Variants in WSCD1 observed in about 807,000 individuals in gnomAD.
The protein encoded by WSCD1 is sialate:O-sulfotransferase 1.
A neutral mutation model predicts 60.4 loss-of-function variants in WSCD1; 41 were observed. The observed-to-expected ratio is 0.68, with a 90% CI of 0.53 to 0.88. WSCD1 has a LOEUF of 0.88. Ranked by LOEUF, WSCD1 falls within the 40% of genes least tolerant of loss-of-function variation. The pLI is 0.00. For missense variants in WSCD1, 784 were observed against 796.2 expected (o/e 0.98, Z 0.18); for synonymous variants, 361 against 332.5 (o/e 1.09, Z -0.93).
intron 1 of WSCD1, among the ~76,000 whole-genome samples, chr17:6,077,035 A>G (rs556007268): frequency 6.6e-6 from 1 of 151,512 alleles, no homozygotes; most frequent in African/African-American, 2.4e-5. Flanking sequence ...TGTTGGCTAT[A>G]AAGTGTGGTG....
intron 4 of WSCD1, among the ~76,000 whole-genome samples, chr17:6,091,099 G>C (rs184169995): frequency 2.0e-4 from 30 of 152,220 alleles, no homozygotes; most frequent in African/African-American, 7.2e-4. Context: ...TCACCACATT[G>C]GCCAGGCTGG....
At chr17:6,115,332 T>C (rs1748625898) in intron 7 of WSCD1, among the ~76,000 whole-genome samples, 1 of 152,256 alleles carries the variant, frequency 6.6e-6, no homozygotes, top group African/African-American at 2.4e-5. Context: ...AATCTGCTCA[T>C]TCCTTTTTTG....
Position 6,087,914 on chromosome 17 carries a change from G to A in WSCD1, c.428-76G>A, listed in dbSNP as rs73974663. 7.7e-4 allele frequency: 961 copies of A among 1,245,148 alleles called. 6 individuals are homozygous for A. The African/African-American group carries it at 0.012, about 16-fold the overall frequency. The allele number at this position is 1,245,148 out of a possible 1,614,324, so 77.1% of individuals were successfully genotyped here. A position where few individuals can be genotyped will look rare whatever the true frequency, so the allele number is the denominator to read the frequency against. Reference sequence around the variant, plus strand: ...GAGTGGCCTTGGCCAGGAAGGCAGAGGTTCCCCTGGCTTTTCCTAAGGGTG... The same window carrying A: ...GAGTGGCCTTGGCCAGGAAGGCAGAAGTTCCCCTGGCTTTTCCTAAGGGTG... On this transcript the variant is annotated intron_variant, in intron 2 of 8. Transcript: ENST00000317744.
In WSCD1 at chr17:6,109,580, G is replaced by A. The variant is rs186050962; in HGVS notation, c.850-27G>A. The A allele has an allele frequency of 4.3e-3, 6,946 of 1,609,466 alleles. 46 individuals carry two copies. Among genetic ancestry groups the A allele is most frequent in the Middle Eastern group, 0.031 (186 of 6,048 alleles). On this transcript the variant is annotated intron_variant, in intron 5 of 8. Coordinates refer to ENST00000317744, the MANE Select transcript of WSCD1 (RefSeq NM_015253.2). ...CATGACCCTCAAATTCACTCAGTGT[G>A]CTTCTCTTCTTATCGTTCCCTGGCA...
At chr17:6,078,331 CCCGGGATGGTGAGTG>C (rs1755222107) in intron 1 of WSCD1, among the ~76,000 whole-genome samples, 1 of 152,116 alleles carries the variant, frequency 6.6e-6, no homozygotes, top group African/African-American at 2.4e-5. Flanking sequence ...TCTGATCAAC[CCCGGGATGGTGAGTG>C]CTGGGCTGAG....
At chr17:6,089,788 G>A (rs73974664) in intron 3 of WSCD1, among the ~76,000 whole-genome samples, 6,420 of 152,170 alleles carry the variant, frequency 0.042, 416 homozygotes, top group African/African-American at 0.14. Flanking sequence ...CTGTAACCAC[G>A]GCACTCTGCA....
intron 5 of WSCD1, among the ~76,000 whole-genome samples, chr17:6,098,862 A>G (rs1455684546): frequency 6.6e-6 from 1 of 152,218 alleles, no homozygotes; most frequent in Admixed American, 6.5e-5. Context: ...GAGTAAGGGC[A>G]GTGCCTGAAG....
At position 6,095,228 on chromosome 17, in the gene WSCD1, G is replaced by A; in HGVS notation, c.849+5G>A. ...TCGGGCTTTTGTTCCCAGAAAGTAAGACCAAGTGATCATTTCACAACCCTT... is the reference window on the plus strand; with the variant it reads ...TCGGGCTTTTGTTCCCAGAAAGTAAAACCAAGTGATCATTTCACAACCCTT... On this transcript the variant is annotated splice_donor_5th_base_variant and intron_variant, in intron 5 of 8. Coordinates refer to ENST00000317744, the MANE Select transcript of WSCD1 (RefSeq NM_015253.2). The A allele has an allele frequency of 1.9e-6, 3 of 1,612,420 alleles. No individual in the cohort carries two copies. Among genetic ancestry groups the A allele is most frequent in the Non-Finnish European group, 2.5e-6 (3 of 1,179,278 alleles).
At chr17:6,116,079 G>A (rs779384174) in intron 7 of WSCD1, among the ~76,000 whole-genome samples, 3 of 152,102 alleles carry the variant, frequency 2.0e-5, no homozygotes, top group Non-Finnish European at 2.9e-5. Flanking sequence ...TGGGAACCTC[G>A]AGTGTTACAG....
At chr17:6,093,649 C>A (rs552716753) in intron 4 of WSCD1, among the ~76,000 whole-genome samples, 1 of 152,198 alleles carries the variant, frequency 6.6e-6, no homozygotes, top group African/African-American at 2.4e-5. Flanking sequence ...CACCTGCCAC[C>A]ACCCTCGACC....
At chr17:6,093,520 C>A (rs1284977313) in intron 4 of WSCD1, among the ~76,000 whole-genome samples, 1 of 152,194 alleles carries the variant, frequency 6.6e-6, no homozygotes, top group Admixed American at 6.5e-5. Context: ...TGATGACTCT[C>A]CCCATTGTCT....
intron 1 of WSCD1, among the ~76,000 whole-genome samples, chr17:6,072,483 C>G (rs1163344836): frequency 6.6e-6 from 1 of 152,228 alleles, no homozygotes; most frequent in African/African-American, 2.4e-5. Flanking sequence ...AAGCTCCAAG[C>G]TTGTACTCCC....
intron 4 of WSCD1, among the ~76,000 whole-genome samples, chr17:6,091,095 C>T (rs1484342705): frequency 1.3e-5 from 2 of 152,066 alleles, no homozygotes; most frequent in Non-Finnish European, 2.9e-5. Context: ...GGTTTCACCA[C>T]ATTGGCCAGG....
At position 6,109,640 on chromosome 17, in the gene WSCD1, T is replaced by G; in HGVS notation, c.883T>G (p.Cys295Gly). 2 of 1,614,078 alleles carry G rather than the reference T, an allele frequency of 1.2e-6. No individual in the cohort carries two copies. The highest frequency in any genetic ancestry group is 4.5e-5 in the East Asian group (2 of 44,874). Residue 295 changes from cysteine to glycine, a missense_variant, in exon 6 of 9, where the codon TGC becomes GGC. Transcript: ENST00000317744. The part of the protein sequence containing the change: ...FPLAILRGWE[C>G]YCAYPTPRFN... ...CTTGGCCATTCTCAGGGGCTGGGAA[T>G]GCTACTGTGCTTACCCTACCCCCCG...
In WSCD1 at chr17:6,120,770, T is replaced by G. The variant is rs909494645; in HGVS notation, c.*109T>G. The G allele has an allele frequency of 8.3e-7, 1 of 1,198,910 alleles. No homozygotes were observed. The highest frequency in any genetic ancestry group is 1.5e-5 in the African/African-American group (1 of 65,628). 74.3% of individuals were successfully genotyped at this position (1,198,910 alleles called of 1,614,324 possible). ...TGGCCTCACTGGGACGAACGGTGGG[T>G]GGGGGGCTCACCCTGGTGCTGCCTC... is the stretch of plus-strand genomic sequence containing the variant. On this transcript the variant is annotated 3_prime_UTR_variant, in exon 9 of 9. Transcript: ENST00000317744.
intron 1 of WSCD1, chr17:6,077,949 C>T (rs186618389): frequency 6.6e-6 from 1 of 152,382 alleles, no homozygotes; most frequent in East Asian, 1.9e-4. Flanking sequence ...TCAGCCCAGG[C>T]ACTCTTGTTA....
Position 6,121,149 on chromosome 17 carries a change from G to T in WSCD1, c.*488G>T. ...TCAGGGTGTTCGACTCTGGGATGCTGGGCCGGGCAGACATTTATGCTCTGA... is the reference window on the plus strand; with the variant it reads ...TCAGGGTGTTCGACTCTGGGATGCTTGGCCGGGCAGACATTTATGCTCTGA... On this transcript the variant is annotated 3_prime_UTR_variant, in exon 9 of 9. Transcript: ENST00000317744. 5.9e-6 allele frequency: 1 copy of T among 170,492 alleles called. No homozygotes were observed. The allele number at this position is 170,492 out of a possible 1,614,324, so 10.6% of individuals were successfully genotyped here. A position where few individuals can be genotyped will look rare whatever the true frequency, so the allele number is the denominator to read the frequency against.
intron 5 of WSCD1, among the ~76,000 whole-genome samples, chr17:6,098,423 C>A (rs796213673): frequency 6.6e-6 from 1 of 152,246 alleles, no homozygotes; most frequent in East Asian, 1.9e-4. Flanking sequence ...TACACGCAGG[C>A]TCTTGGTGTC....
chr17:6,088,771 A>G, intron 3 of WSCD1, among the ~76,000 whole-genome samples: 1 of 142,064 alleles, frequency 7.0e-6, no homozygotes, highest in Non-Finnish European at 1.5e-5. Context: ...TATTTCTCCC[A>G]CAGATTTTTT....
Sources: allele counts gnomAD v4.1 joint callset (sites outside exome capture counted in the v4.1 genomes callset), GRCh38; gene constraint gnomAD v4.1.1; transcripts MANE v1.5; gene names NCBI Gene and HGNC (gene_info 2026-07-23, HGNC 2026-07-21).